RPS6KB1: variants seen among roughly 807,000 people sequenced by gnomAD.
RPS6KB1 encodes ribosomal protein S6 kinase beta-1.
RPS6KB1 carries 12 observed loss-of-function variants against 70.2 expected under a neutral mutation model. The ratio of observed to expected loss-of-function variants is 0.17; its 90% CI spans 0.11 to 0.28. The LOEUF is 0.28. Ranked by LOEUF, RPS6KB1 falls within the 10% of genes least tolerant of loss-of-function variation. The probability of loss-of-function intolerance (pLI) is 1.00; values close to 1 mark genes in which losing one functional copy is unlikely to be tolerated. For synonymous variants in RPS6KB1, 175 were observed against 211.2 expected (o/e 0.83, Z 1.49); for missense variants, 270 against 646.6 (o/e 0.42, Z 6.32).
Position 59,947,383 on chromosome 17 carries a change from T to C in RPS6KB1, c.*595T>C, listed in dbSNP as rs1332072408. 8.1e-7 allele frequency: 1 copy of C among 1,229,888 alleles called. No individual in the cohort carries two copies. Among genetic ancestry groups the C allele is most frequent in the Non-Finnish European group, 1.0e-6 (1 of 977,150 alleles). 76.2% of individuals were successfully genotyped at this position (1,229,888 alleles called of 1,614,324 possible). ...TCCCAAACTTTAAAATGCGAAATTA[T>C]TGGTTGGTGTGAAGAAAGCCAGACA... is the stretch of plus-strand genomic sequence containing the variant. On this transcript the variant is annotated 3_prime_UTR_variant, in exon 15 of 15. Transcript: ENST00000225577.
chr17:59,908,500 C>T (rs1031192776), intron 1 of RPS6KB1, among the ~76,000 whole-genome samples: 28 of 150,542 alleles, frequency 1.9e-4, no homozygotes, highest in East Asian at 1.2e-3. Flanking sequence ...TGCACCCAGC[C>T]GAAAATATAC....
intron 5 of RPS6KB1, among the ~76,000 whole-genome samples, chr17:59,929,041 C>T (rs1396876426): frequency 1.3e-5 from 2 of 151,788 alleles, no homozygotes; most frequent in East Asian, 1.9e-4. Context: ...TCCATGGTGA[C>T]GTTTTTGTCT....
chr17:59,916,410 T>C (rs1185515409), intron 4 of RPS6KB1, among the ~76,000 whole-genome samples: 1 of 152,234 alleles, frequency 6.6e-6, no homozygotes, highest in Non-Finnish European at 1.5e-5. Context: ...GTATTAACTT[T>C]CTTTTATGCG....
intron 1 of RPS6KB1, among the ~76,000 whole-genome samples, chr17:59,899,185 C>G (rs1292648606): frequency 7.9e-6 from 1 of 126,802 alleles, no homozygotes; most frequent in Non-Finnish European, 1.7e-5. Context: ...GCCTGGGGGA[C>G]AAGAGCAAGA....
At chr17:59,930,382 C>G (rs574238033) in intron 6 of RPS6KB1, 3 of 522,170 alleles carry the variant, frequency 5.7e-6, no homozygotes, top group African/African-American at 3.9e-5. Flanking sequence ...CTCTTCACAC[C>G]AGTTGTTCCT....
rs2045057316 is a variant in RPS6KB1, at chr17:59,948,632, A to G, written c.*1844A>G. 1 of 152,042 alleles carries G rather than the reference A, an allele frequency of 6.6e-6. No individual in the cohort carries two copies. The highest frequency in any genetic ancestry group is 1.5e-5 in the Non-Finnish European group (1 of 67,944). 9.4% of individuals were successfully genotyped at this position (152,042 alleles called of 1,614,324 possible). A position where few individuals can be genotyped will look rare whatever the true frequency, so the allele number is the denominator to read the frequency against. On this transcript the variant is annotated 3_prime_UTR_variant, in exon 15 of 15. Coordinates refer to ENST00000225577, the MANE Select transcript of RPS6KB1 (RefSeq NM_003161.4). ...TGTGGCAATAATTGAAAGAATCGATAAAAGTTCATCTTTGGACAGAAAGCC... is the reference window on the plus strand; with the variant it reads ...TGTGGCAATAATTGAAAGAATCGATGAAAGTTCATCTTTGGACAGAAAGCC...
At chr17:59,903,639 G>A (rs145223939) in intron 1 of RPS6KB1, among the ~76,000 whole-genome samples, 76 of 152,150 alleles carry the variant, frequency 5.0e-4, no homozygotes, top group African/African-American at 1.6e-3. Flanking sequence ...TTTCCAACAC[G>A]GTTGCACCAT....
At chr17:59,935,708 C>T (rs1368886176) in intron 10 of RPS6KB1, among the ~76,000 whole-genome samples, 4 of 152,064 alleles carry the variant, frequency 2.6e-5, no homozygotes, top group African/African-American at 9.7e-5. Context: ...CTCCTGACCT[C>T]AGGTGATCCA....
chr17:59,920,382 A>T (rs182482487), intron 4 of RPS6KB1, among the ~76,000 whole-genome samples: 6 of 152,302 alleles, frequency 3.9e-5, no homozygotes, highest in East Asian at 1.9e-4. Context: ...GTGACTTTTT[A>T]AAAAAATTAT....
Position 59,893,521 on chromosome 17 carries a change from A to G in RPS6KB1, c.141+196A>G, listed in dbSNP as rs529034990. On this transcript the variant is annotated intron_variant, in intron 1 of 14. Transcript: ENST00000225577. This position sits in a 1 kb window ranked among gnomAD's most constrained non-coding sequence, Gnocchi z 4.1. ...AGGCCTCTGCGGGGCTCGCAGGTGCAGGTCGCACCCTTAGCCCCAGGTCAG... is the reference window on the plus strand; with the variant it reads ...AGGCCTCTGCGGGGCTCGCAGGTGCGGGTCGCACCCTTAGCCCCAGGTCAG... Among the ~76,000 whole-genome samples the G allele has an allele frequency of 2.0e-5, 3 of 152,292 alleles. No individual in the cohort carries two copies. Among genetic ancestry groups the G allele is most frequent in the East Asian group, 1.9e-4 (1 of 5,176 alleles).
At position 59,948,336 on chromosome 17, in the gene RPS6KB1, C is replaced by G. The variant is rs1332943138; in HGVS notation, c.*1548C>G. ...GAGTTGTATCACCTTTTTTGTTTGT[C>G]TTTTATAATGTCTTCAGTCTGAGTG... On this transcript the variant is annotated 3_prime_UTR_variant, in exon 15 of 15. Coordinates refer to ENST00000225577, the MANE Select transcript of RPS6KB1 (RefSeq NM_003161.4). 1 of 152,290 alleles carries G rather than the reference C, an allele frequency of 6.6e-6. No individual in the cohort carries two copies. Among genetic ancestry groups the G allele is most frequent in the African/African-American group, 2.4e-5 (1 of 41,328 alleles). 9.4% of individuals were successfully genotyped at this position (152,290 alleles called of 1,614,324 possible).
chr17:59,935,042 G>T (rs1341920508), intron 9 of RPS6KB1, 151 bp from the exon 10 acceptor site: 4 of 560,274 alleles, frequency 7.1e-6, no homozygotes, highest in Non-Finnish European at 1.3e-5. Flanking sequence ...CAAAATAAAG[G>T]TCTTTAGCAG....
At chr17:59,895,743 G>A (rs577695573) in intron 1 of RPS6KB1, among the ~76,000 whole-genome samples, 23 of 150,562 alleles carry the variant, frequency 1.5e-4, no homozygotes, top group East Asian at 1.2e-3. Context: ...AGCGATTCTC[G>A]TGCCTCAGCC....
chr17:59,908,104 A>C (rs1036868431), intron 1 of RPS6KB1, among the ~76,000 whole-genome samples: 11 of 152,128 alleles, frequency 7.2e-5, no homozygotes. Flanking sequence ...CTGTGTATTA[A>C]AAGCACATCA....
chr17:59,918,518 C>A (rs1480285332), intron 4 of RPS6KB1, among the ~76,000 whole-genome samples: 2 of 151,540 alleles, frequency 1.3e-5, no homozygotes, highest in Admixed American at 1.3e-4. Context: ...TACAGGTGCC[C>A]GCTACCACAC....
At chr17:59,914,982 A>C (rs1292032) in intron 4 of RPS6KB1, among the ~76,000 whole-genome samples, 69,743 of 149,260 alleles carry the variant, frequency 0.47, 16,188 homozygotes, top group East Asian at 0.56. Flanking sequence ...AAATGTATTT[A>C]TTTTCTTTTC....
At chr17:59,922,868 G>A (rs1254292319) in intron 4 of RPS6KB1, among the ~76,000 whole-genome samples, 4 of 135,430 alleles carry the variant, frequency 3.0e-5, no homozygotes, top group African/African-American at 1.1e-4. Flanking sequence ...AAAAAAATTT[G>A]TTTGTTTTTT....
In RPS6KB1 at chr17:59,948,614, A is replaced by G. The variant is rs1010741362; in HGVS notation, c.*1826A>G. The G allele has an allele frequency of 3.3e-5, 5 of 152,396 alleles. No homozygotes were observed. Among genetic ancestry groups the G allele is most frequent in the South Asian group, 2.1e-4 (1 of 4,826 alleles). 9.4% of individuals were successfully genotyped at this position (152,396 alleles called of 1,614,324 possible). A position where few individuals can be genotyped will look rare whatever the true frequency, so the allele number is the denominator to read the frequency against. ...GACATACACCTTTTCAATTGTGGCA[A>G]TAATTGAAAGAATCGATAAAAGTTC... is the stretch of plus-strand genomic sequence containing the variant. On this transcript the variant is annotated 3_prime_UTR_variant, in exon 15 of 15. Coordinates refer to ENST00000225577, the MANE Select transcript of RPS6KB1 (RefSeq NM_003161.4).
In RPS6KB1 at chr17:59,936,258, G is replaced by C. The variant is rs1598806787; in HGVS notation, c.1022G>C (p.Gly341Ala). 2 of 1,597,324 alleles carry C rather than the reference G, an allele frequency of 1.3e-6. No homozygotes were observed. The change falls in exon 11 of 15, where the codon GGG (glycine) becomes GCG (alanine). Residue 341 changes from glycine (G) to alanine (A), a missense_variant. Around this residue, in one of 4 missense-constraint regions of RPS6KB1, gnomAD observed 133 missense variants for 314.7 expected, o/e 0.42. Coordinates refer to ENST00000225577, the MANE Select transcript of RPS6KB1 (RefSeq NM_003161.4). The stretch of plus-strand genomic sequence containing the variant: ...GCTTCTCGTCTGGGAGCTGGTCCTG[G>C]GGACGCTGGAGAAGTTCAAGTAGGG... ...NAASRLGAGPGDAGEVQAHPF... is the reference protein window; with the variant it reads ...NAASRLGAGPADAGEVQAHPF...
Sources: gnomAD v4.1 joint callset for allele counts (sites outside exome capture counted in the v4.1 genomes callset) on GRCh38, gnomAD v4.1.1 for gene constraint, gnomAD v4.1.1 regional missense constraint, Gnocchi (gnomAD v3.1) non-coding constraint, MANE v1.5 for transcripts, NCBI Gene and HGNC (gene_info 2026-07-23, HGNC 2026-07-21) for gene names.